Variants in DTWD2 observed in about 807,000 individuals in gnomAD.
DTWD2 encodes tRNA-uridine aminocarboxypropyltransferase 2.
Under a neutral mutation model 31.8 loss-of-function variants are expected in DTWD2, and 39 were observed. The ratio of observed to expected loss-of-function variants is 1.22; its 90% CI spans 0.95 to 1.60. The LOEUF is 1.60. Ranked by LOEUF, DTWD2 falls within the 40% of genes most tolerant of loss-of-function variation. The pLI, the probability that DTWD2 is intolerant of heterozygous loss-of-function variation, is 0.00. For synonymous variants in DTWD2, 180 were observed against 142.8 expected (o/e 1.26, Z -1.86); for missense variants, 515 against 381.5 (o/e 1.35, Z -2.92).
chr5:118,884,733 G>A (rs1161149463), intron 4 of DTWD2, among the ~76,000 whole-genome samples: 4 of 152,232 alleles, frequency 2.6e-5, no homozygotes, highest in Non-Finnish European at 5.9e-5. Context: ...GGGGCTGGGC[G>A]TGGTGGCTCA....
intron 1 of DTWD2, among the ~76,000 whole-genome samples, chr5:118,968,358 G>A (rs1754902265): frequency 6.6e-6 from 1 of 152,208 alleles, no homozygotes; most frequent in South Asian, 2.1e-4. Flanking sequence ...TAACAGTACT[G>A]TACCAGAAGC....
chr5:118,937,885 A>G (rs901942777), intron 3 of DTWD2, among the ~76,000 whole-genome samples: 1 of 152,100 alleles, frequency 6.6e-6, no homozygotes, highest in African/African-American at 2.4e-5. Context: ...TCACTTCCTC[A>G]TTATGTCTCT....
At chr5:118,960,833 A>G (rs994829944) in intron 1 of DTWD2, among the ~76,000 whole-genome samples, 1 of 152,190 alleles carries the variant, frequency 6.6e-6, no homozygotes, top group African/African-American at 2.4e-5. Context: ...ACAGAAAACC[A>G]AACACTGCAT....
Position 118,955,462 on chromosome 5 carries a change from T to C in DTWD2, c.219-10813A>G, listed in dbSNP as rs367781264. On this transcript the variant is annotated intron_variant, in intron 1 of 5. Coordinates refer to ENST00000510708, the MANE Select transcript of DTWD2 (RefSeq NM_173666.4). ...TGCTCTCCTCATTCTAAAATCTCTC[T>C]AGAAGGTTTAAATATTTAAATTAAT... Among the ~76,000 whole-genome samples the C allele has an allele frequency of 1.4e-4, 22 of 152,324 alleles. No homozygotes were observed. In the East Asian group the frequency reaches 2.3e-3, roughly 16 times the overall value.
At chr5:118,974,345 C>T (rs889281430) in intron 1 of DTWD2, among the ~76,000 whole-genome samples, 2 of 151,970 alleles carry the variant, frequency 1.3e-5, no homozygotes, top group South Asian at 2.1e-4. Context: ...ACTTCCAAGG[C>T]CCTGCTTTTT....
intron 1 of DTWD2, among the ~76,000 whole-genome samples, chr5:118,986,389 T>C (rs907906327): frequency 6.6e-6 from 1 of 152,212 alleles, no homozygotes. Context: ...AGATATGTTA[T>C]ATTTATAATG....
intron 1 of DTWD2, chr5:118,974,043 C>T (rs1483749245): frequency 1.2e-6 from 2 of 1,606,132 alleles, no homozygotes; most frequent in South Asian, 1.1e-5. Flanking sequence ...GAAGCTGAGA[C>T]AGCTACGGGC....
intron 1 of DTWD2, among the ~76,000 whole-genome samples, chr5:118,975,388 T>C (rs1033516821): frequency 6.6e-6 from 1 of 152,158 alleles, no homozygotes; most frequent in Non-Finnish European, 1.5e-5. Context: ...GTAATTTATG[T>C]TATTCTCTAA....
chr5:118,943,903 C>G (rs367552220), intron 2 of DTWD2, among the ~76,000 whole-genome samples: 2 of 152,168 alleles, frequency 1.3e-5, no homozygotes, highest in Non-Finnish European at 2.9e-5. Flanking sequence ...TTCCTAAATA[C>G]TGAAAGAGTT....
intron 4 of DTWD2, among the ~76,000 whole-genome samples, chr5:118,877,575 A>G (rs1752649812): frequency 1.3e-5 from 2 of 152,212 alleles, no homozygotes; most frequent in Non-Finnish European, 1.5e-5. Context: ...ACCAGCAGCC[A>G]ACATCATACT....
At chr5:118,939,985 A>G (rs1038070520) in intron 2 of DTWD2, among the ~76,000 whole-genome samples, 2 of 152,200 alleles carry the variant, frequency 1.3e-5, no homozygotes, top group African/African-American at 4.8e-5. Context: ...CAAATAATAA[A>G]TGTAAATACT....
intron 4 of DTWD2, among the ~76,000 whole-genome samples, chr5:118,891,518 C>T (rs183766092): frequency 1.1e-4 from 16 of 152,282 alleles, no homozygotes; most frequent in African/African-American, 3.9e-4. Context: ...CTGCTCACAG[C>T]CTACTCTCAA....
At chr5:118,883,559 G>C (rs1051762063) in intron 4 of DTWD2, among the ~76,000 whole-genome samples, 11 of 152,204 alleles carry the variant, frequency 7.2e-5, no homozygotes, top group African/African-American at 2.7e-4. Context: ...TTGACTCACA[G>C]TTCCCCGCAT....
At chr5:118,979,304 C>A (rs997721928) in intron 1 of DTWD2, among the ~76,000 whole-genome samples, 2 of 151,064 alleles carry the variant, frequency 1.3e-5, no homozygotes, top group East Asian at 1.9e-4. Context: ...AGTCCATCCC[C>A]AAAAAAATAA....
chr5:118,937,603 A>G (rs190548718), intron 3 of DTWD2, among the ~76,000 whole-genome samples: 24 of 152,308 alleles, frequency 1.6e-4, no homozygotes, highest in African/African-American at 5.3e-4. Context: ...GCTGACCACA[A>G]TAAAACCTAA....
At chr5:118,859,449 AT>A (rs1487592261) in intron 4 of DTWD2, among the ~76,000 whole-genome samples, 1 of 152,202 alleles carries the variant, frequency 6.6e-6, no homozygotes, top group African/African-American at 2.4e-5. Flanking sequence ...TATAGTATAC[AT>A]TTTTGAAATG....
chr5:118,843,347 C>CAGGGAGGG (rs1267955024), intron 5 of DTWD2, among the ~76,000 whole-genome samples: 2 of 101,888 alleles, frequency 2.0e-5, no homozygotes, highest in Non-Finnish European at 4.0e-5. Context: ...GGGAGGGAGG[C>CAGGGAGGG]AGGGAGGGAG....
intron 4 of DTWD2, among the ~76,000 whole-genome samples, chr5:118,913,450 C>CAT (rs1554066464): frequency 6.8e-6 from 1 of 146,338 alleles, no homozygotes; most frequent in Non-Finnish European, 1.5e-5. Flanking sequence ...CACACACACA[C>CAT]GTGTGTGTGT....
At chr5:118,907,087 A>T (rs1441100468) in intron 4 of DTWD2, among the ~76,000 whole-genome samples, 1 of 152,244 alleles carries the variant, frequency 6.6e-6, no homozygotes, top group Non-Finnish European at 1.5e-5. Flanking sequence ...GATAATCCAC[A>T]GAACCATGCT....
Sources: allele counts gnomAD v4.1 joint callset (sites outside exome capture counted in the v4.1 genomes callset), GRCh38; gene constraint gnomAD v4.1.1; transcripts MANE v1.5; gene names NCBI Gene and HGNC (gene_info 2026-07-23, HGNC 2026-07-21).